SLC24A2: variants seen among roughly 807,000 people sequenced by gnomAD.
SLC24A2 encodes the protein sodium/potassium/calcium exchanger 2.
In SLC24A2, 36 loss-of-function variants were observed where a neutral mutation model predicts 62.0. The ratio of observed to expected loss-of-function variants is 0.58; its 90% CI spans 0.44 to 0.77. The LOEUF is 0.77. SLC24A2 is among the 30% of genes least tolerant of loss of function. The pLI is 0.00. For synonymous variants in SLC24A2, 358 were observed against 294.0 expected (o/e 1.22, Z -2.23); for missense variants, 846 against 817.9 (o/e 1.03, Z -0.42).
the SLC24A2 span, among the ~76,000 whole-genome samples, chr9:20,153,170 A>T: frequency 6.6e-6 from 1 of 151,868 alleles, no homozygotes; most frequent in East Asian, 1.9e-4. Flanking sequence ...CTCTGTAACA[A>T]TTTTTCTCTG....
At chr9:19,796,298 T>C in the SLC24A2 span, among the ~76,000 whole-genome samples, 1 of 152,214 alleles carries the variant, frequency 6.6e-6, no homozygotes, top group Non-Finnish European at 1.5e-5. Flanking sequence ...AGCTGCATAG[T>C]ATACTAATTC....
intron 10 of SLC24A2, among the ~76,000 whole-genome samples, chr9:19,516,606 C>T (rs1372684396): frequency 2.6e-5 from 4 of 152,168 alleles, no homozygotes; most frequent in African/African-American, 9.7e-5. Context: ...CCTTTATGTC[C>T]TGACTGAATT....
chr9:19,555,179 T>A (rs1441302456), intron 7 of SLC24A2, among the ~76,000 whole-genome samples: 62 of 151,956 alleles, frequency 4.1e-4, no homozygotes, highest in South Asian at 8.3e-4. Context: ...AAAAAAAAAT[T>A]ATCTTATTCA....
At chr9:19,532,178 G>A in intron 8 of SLC24A2, among the ~76,000 whole-genome samples, 1 of 152,168 alleles carries the variant, frequency 6.6e-6, no homozygotes, top group East Asian at 1.9e-4. Context: ...CACCTTGTGG[G>A]TTCAAGTGTT....
At chr9:19,897,811 C>T in the SLC24A2 span, among the ~76,000 whole-genome samples, 1 of 152,148 alleles carries the variant, frequency 6.6e-6, no homozygotes, top group East Asian at 1.9e-4. Context: ...AAGGGCAAAA[C>T]TGAGACTGAA....
chr9:20,084,666 G>C, the SLC24A2 span, among the ~76,000 whole-genome samples: 2 of 152,068 alleles, frequency 1.3e-5, no homozygotes. Context: ...AAGTAGTCTG[G>C]CTGTTCCCTG....
At chr9:20,205,662 A>C in the SLC24A2 span, among the ~76,000 whole-genome samples, 2 of 151,044 alleles carry the variant, frequency 1.3e-5, no homozygotes, top group Admixed American at 6.6e-5. Flanking sequence ...AAAAAAAAAA[A>C]AAAAAAAAAA....
At chr9:19,854,611 G>A in the SLC24A2 span, among the ~76,000 whole-genome samples, 1 of 152,172 alleles carries the variant, frequency 6.6e-6, no homozygotes, top group African/African-American at 2.4e-5. Context: ...GGTTTTAAGT[G>A]AGTTTCTTAA....
the SLC24A2 span, among the ~76,000 whole-genome samples, chr9:19,972,677 C>A: frequency 3.3e-5 from 5 of 152,098 alleles, no homozygotes; most frequent in African/African-American, 9.7e-5. Flanking sequence ...GAGTGCATAT[C>A]TTATATGTCT....
At chr9:19,879,228 G>A in the SLC24A2 span, among the ~76,000 whole-genome samples, 1 of 152,132 alleles carries the variant, frequency 6.6e-6, no homozygotes, top group Non-Finnish European at 1.5e-5. Flanking sequence ...GAAACACAGG[G>A]CTGTGAGGCC....
chr9:20,041,625 C>T, the SLC24A2 span, among the ~76,000 whole-genome samples: 1 of 152,192 alleles, frequency 6.6e-6, no homozygotes, highest in African/African-American at 2.4e-5. Flanking sequence ...TGGACCCAAC[C>T]CAACAAACTG....
the SLC24A2 span, among the ~76,000 whole-genome samples, chr9:20,087,259 T>C: frequency 6.6e-6 from 1 of 152,202 alleles, no homozygotes; most frequent in Non-Finnish European, 1.5e-5. Context: ...TTCTAAACCC[T>C]GATGATACTG....
chr9:19,797,437 C>G, the SLC24A2 span, among the ~76,000 whole-genome samples: 3 of 152,154 alleles, frequency 2.0e-5, no homozygotes, highest in East Asian at 5.8e-4. Context: ...TCTTTGGTGT[C>G]TGTTAATAAT....
chr9:20,146,110 A>AT, the SLC24A2 span, among the ~76,000 whole-genome samples: 1 of 152,120 alleles, frequency 6.6e-6, no homozygotes, highest in African/African-American at 2.4e-5. Flanking sequence ...TTGTGAATAT[A>AT]TTTTTTCACT....
At chr9:20,207,593 G>A in the SLC24A2 span, among the ~76,000 whole-genome samples, 1 of 152,112 alleles carries the variant, frequency 6.6e-6, no homozygotes, top group Non-Finnish European at 1.5e-5. Flanking sequence ...TTCCTTTCTA[G>A]ACTGTCTCAC....
At chr9:20,086,465 T>C in the SLC24A2 span, among the ~76,000 whole-genome samples, 263 of 152,274 alleles carry the variant, frequency 1.7e-3, no homozygotes, top group Non-Finnish European at 3.1e-3. Flanking sequence ...GAGCAAAGGG[T>C]AGAATCCTGA....
the SLC24A2 span, among the ~76,000 whole-genome samples, chr9:20,182,184 T>G: frequency 6.6e-6 from 1 of 152,250 alleles, no homozygotes; most frequent in Admixed American, 6.5e-5. Flanking sequence ...TTGGTGGGAA[T>G]GTAAATTAGT....
At chr9:19,696,960 A>T (rs1038995458) in intron 2 of SLC24A2, among the ~76,000 whole-genome samples, 2 of 152,176 alleles carry the variant, frequency 1.3e-5, no homozygotes, top group African/African-American at 4.8e-5. Flanking sequence ...GTTATAATAG[A>T]TCCCAATACA....
chr9:19,634,178 G>T (rs1263183434), intron 2 of SLC24A2, among the ~76,000 whole-genome samples: 1 of 151,832 alleles, frequency 6.6e-6, no homozygotes, highest in Non-Finnish European at 1.5e-5. Context: ...TAAAGATTGG[G>T]GTAAAAGGCT....
Sources: allele counts gnomAD v4.1 joint callset (sites outside exome capture counted in the v4.1 genomes callset), GRCh38; gene constraint gnomAD v4.1.1; transcripts MANE v1.5; gene names NCBI Gene and HGNC (gene_info 2026-07-23, HGNC 2026-07-21).